The following HDLBP variants were observed in gnomAD, a reference collection of about 807,000 sequenced individuals.
The protein encoded by HDLBP is vigilin.
A neutral mutation model predicts 137.3 loss-of-function variants in HDLBP; 30 were observed. The observed-to-expected ratio is 0.22, with a 90% CI of 0.16 to 0.30. The LOEUF (loss-of-function observed/expected upper bound fraction) is 0.30, where lower values mean the gene tolerates loss of function less well. Ranked by LOEUF, HDLBP falls within the 10% of genes least tolerant of loss-of-function variation. The pLI is 1.00. For synonymous variants in HDLBP, 606 were observed against 596.0 expected, an observed-to-expected ratio of 1.02 and a Z score of -0.24; for missense variants, 1,119 against 1,667.3, an observed-to-expected ratio of 0.67 and a Z score of 5.73.
intron 1 of HDLBP, chr2:241,269,100 G>A (rs2073884765): frequency 6.6e-6 from 1 of 152,192 alleles, no homozygotes; most frequent in South Asian, 2.1e-4. Flanking sequence ...CTAATCCACT[G>A]GGGATCTAGA....
chr2:241,277,855 GGAGGCC>G (rs2074449627), intron 1 of HDLBP, among the ~76,000 whole-genome samples: 1 of 152,136 alleles, frequency 6.6e-6, no homozygotes, highest in Non-Finnish European at 1.5e-5. Flanking sequence ...CAGCTACTCA[GGAGGCC>G]GAGGCAGGAG....
chr2:241,248,176 T>C (rs773812907), intron 13 of HDLBP, 60 bp from the exon 14 acceptor site: 29 of 1,554,526 alleles, frequency 1.9e-5, no homozygotes, highest in Non-Finnish European at 2.4e-5. Flanking sequence ...ATCCCAAATA[T>C]CAAATATTCC....
At chr2:241,252,863 A>C (rs1052182120) in intron 11 of HDLBP, 94 bp downstream of exon 11, 1 of 806,814 alleles carries the variant, frequency 1.2e-6, no homozygotes, top group East Asian at 2.5e-5. Context: ...ATGGGCCTGG[A>C]CTGTCTGCAC....
intron 1 of HDLBP, among the ~76,000 whole-genome samples, chr2:241,277,859 G>T (rs973845056): frequency 2.6e-5 from 4 of 152,136 alleles, no homozygotes; most frequent in Admixed American, 6.5e-5. Context: ...TACTCAGGAG[G>T]CCGAGGCAGG....
chr2:241,242,411 C>T, intron 17 of HDLBP, 49 bp downstream of exon 17: 1 of 1,520,088 alleles, frequency 6.6e-7, no homozygotes, highest in Non-Finnish European at 9.1e-7. Flanking sequence ...GAACACTGTA[C>T]TGAGGACCAG....
intron 1 of HDLBP, among the ~76,000 whole-genome samples, chr2:241,293,908 C>T (rs898806197): frequency 6.4e-4 from 90 of 141,732 alleles, no homozygotes; most frequent in Non-Finnish European, 1.7e-4. Flanking sequence ...GGTGAGGGTG[C>T]GAGACCCTGC....
intron 5 of HDLBP, 24 bp from the exon 6 acceptor site, chr2:241,256,830 A>G (rs1292703897): frequency 3.1e-6 from 5 of 1,593,742 alleles, no homozygotes; most frequent in Non-Finnish European, 4.3e-6. Flanking sequence ...AGAATAAAAG[A>G]AAACAAGAAT....
At chr2:241,313,178 C>A (rs2075803803) in intron 1 of HDLBP, among the ~76,000 whole-genome samples, 1 of 152,204 alleles carries the variant, frequency 6.6e-6, no homozygotes. Flanking sequence ...ACACATATTT[C>A]TATCATTGCA....
intron 1 of HDLBP, among the ~76,000 whole-genome samples, chr2:241,293,005 C>G (rs563745433): frequency 3.3e-5 from 5 of 151,660 alleles, no homozygotes; most frequent in African/African-American, 1.2e-4. Context: ...TCGGCCTGGG[C>G]AACAAAGCGA....
rs756429671 is a variant in HDLBP, at chr2:241,230,718, TGA to T, written c.3474+39_3474+40del. ...CTTCTGGCCAGCCAGGTGCCCCCGG[TGA>T]GAGAGGATTCTCACCCACTGTGCTT... On this transcript the variant is annotated intron_variant, in intron 25 of 27. Transcript: ENST00000310931. The surrounding 1 kb of genome is among the most constrained non-coding windows in gnomAD (Gnocchi z 5.0). The T allele has an allele frequency of 6.9e-6, 11 of 1,583,922 alleles. No homozygotes were observed. Among genetic ancestry groups the T allele is most frequent in the East Asian group, 6.7e-5 (3 of 44,540 alleles).
In HDLBP at chr2:241,254,780, T is replaced by C. The variant is rs1489047353; in HGVS notation, c.1188+271A>G. Among the ~76,000 whole-genome samples, 5 of 152,168 alleles carry C rather than the reference T, an allele frequency of 3.3e-5. No homozygotes were observed. The South Asian group carries it at 8.3e-4, about 25-fold the overall frequency. ...AAGTTATTTCACCATAATTACTAAATGACATGTTTCTTAAGATACTTATGA... is the reference window on the plus strand; with the variant it reads ...AAGTTATTTCACCATAATTACTAAACGACATGTTTCTTAAGATACTTATGA... On this transcript the variant is annotated intron_variant, in intron 9 of 27. Coordinates refer to ENST00000310931, the MANE Select transcript of HDLBP (RefSeq NM_005336.6).
chr2:241,255,504 G>T lies in HDLBP; in HGVS notation c.950C>A (p.Ser317Ter), dbSNP rs1028361939. The change falls in exon 8 of 28, where the codon TCA becomes TAA. Residue 317 changes from serine to a stop codon, truncating the protein, a stop_gained. Coordinates refer to ENST00000310931, the MANE Select transcript of HDLBP (RefSeq NM_005336.6). LOFTEE classifies it high-confidence loss of function. Reference protein sequence around the residue: ...HKYVIGPKGNSLQEILERTGV... With the variant: ...HKYVIGPKGN ...AGTTCTCTCAAGGATCTCCTGCAAT[G>T]AATTGCCCTTGGGCCCAATGACATA... The T allele has an allele frequency of 6.2e-7, 1 of 1,613,760 alleles. No homozygotes were observed.
chr2:241,248,795 C>T (rs751658507), intron 12 of HDLBP, among the ~76,000 whole-genome samples: 5 of 152,000 alleles, frequency 3.3e-5, no homozygotes, highest in African/African-American at 7.3e-5. Context: ...CCACTTTCCC[C>T]GCATGGCTAA....
At chr2:241,255,346 G>A (rs1458751253) in intron 8 of HDLBP, 28 bp downstream of exon 8, 1 of 1,596,752 alleles carries the variant, frequency 6.3e-7, no homozygotes, top group East Asian at 2.2e-5. Flanking sequence ...ACTCAAAGGA[G>A]ACACACTTCA....
chr2:241,288,094 A>C (rs1028116579), intron 1 of HDLBP, among the ~76,000 whole-genome samples: 3 of 152,248 alleles, frequency 2.0e-5, no homozygotes, highest in East Asian at 3.8e-4. Flanking sequence ...TTTACTTTTC[A>C]ACAAAAATAC....
intron 10 of HDLBP, 31 bp from the exon 11 acceptor site, chr2:241,253,066 C>T (rs1197049773): frequency 3.9e-6 from 6 of 1,529,718 alleles, no homozygotes; most frequent in East Asian, 4.6e-5. Flanking sequence ...TCCATGGATG[C>T]GCCTGGTTAC....
chr2:241,229,794 C>T lies in HDLBP; in HGVS notation c.3720+39G>A, dbSNP rs1450439193. ...ACACCAAGCCCGCCTGCCCGCCCAC[C>T]CTCCCTGGGACCCAGGAGGGCAGAA... On this transcript the variant is annotated intron_variant, in intron 27 of 27. Transcript: ENST00000310931. 3.2e-6 allele frequency: 5 copies of T among 1,560,470 alleles called. No individual in the cohort carries two copies. The African/African-American group carries it at 5.4e-5, about 17-fold the overall frequency.
At chr2:241,306,401 A>AGCT (rs1209421880) in intron 1 of HDLBP, among the ~76,000 whole-genome samples, 1 of 151,886 alleles carries the variant, frequency 6.6e-6, no homozygotes, top group Non-Finnish European at 1.5e-5. Flanking sequence ...CTGGGATTAC[A>AGCT]GGCATGAGCC....
intron 1 of HDLBP, among the ~76,000 whole-genome samples, chr2:241,313,355 C>T (rs983830818): frequency 3.9e-5 from 6 of 152,182 alleles, no homozygotes; most frequent in African/African-American, 1.4e-4. Context: ...TCTCGGCTCA[C>T]TGCAACCTCC....
Sources: allele counts gnomAD v4.1 joint callset (sites outside exome capture counted in the v4.1 genomes callset), GRCh38; gene constraint gnomAD v4.1.1; non-coding constraint Gnocchi (gnomAD v3.1); transcripts MANE v1.5; gene names NCBI Gene and HGNC (gene_info 2026-07-23, HGNC 2026-07-21).